The following DOP1A variants were observed in gnomAD, a reference collection of about 807,000 sequenced individuals.
DOP1A encodes DOP1 leucine zipper like protein A.
Under a neutral mutation model 267.6 loss-of-function variants are expected in DOP1A, and 90 were observed. The ratio of observed to expected loss-of-function variants is 0.34; its 90% CI spans 0.28 to 0.40. The LOEUF is 0.40. Ranked by LOEUF, DOP1A falls within the 10% of genes least tolerant of loss-of-function variation. The pLI is 1.00. For synonymous variants in DOP1A, 932 were observed against 999.1 expected (o/e 0.93, Z 1.27); for missense variants, 2,437 against 2,900.4 (o/e 0.84, Z 3.67).
rs186462193 is a variant in DOP1A, at chr6:83,099,737, C to G, written c.139-968C>G. Among the ~76,000 whole-genome samples the G allele has an allele frequency of 3.4e-5, 5 of 148,700 alleles. No individual in the cohort carries two copies. The South Asian group carries it at 1.1e-3, about 32-fold the overall frequency. On this transcript the variant is annotated intron_variant, in intron 3 of 38. Coordinates refer to ENST00000349129, the MANE Select transcript of DOP1A (RefSeq NM_015018.4). Reference sequence around the variant, plus strand: ...ATACATATATATATATATATACACACGTATACATATATATACACATACACA... The same window carrying G: ...ATACATATATATATATATATACACAGGTATACATATATATACACATACACA...
Position 83,141,954 on chromosome 6 carries a change from C to T in DOP1A, c.5449C>T (p.Pro1817Ser). ...LRQQILELLG[P>S]ISMNHGVHFM... ...ACAACAGATTCTTGAATTGTTGGGC[C>T]CCATTTCAATGAATCATGGTGTTCA... The change falls in exon 24 of 39, where the codon CCC (proline) becomes TCC (serine). Residue 1817 changes from proline to serine, a missense_variant. By Grantham distance (74) the Pro-to-Ser change is moderately conservative. This residue lies in a region of DOP1A where 307 missense variants were observed against 308.6 expected (regional missense o/e 0.99). Coordinates refer to ENST00000349129, the MANE Select transcript of DOP1A (RefSeq NM_015018.4). 6.2e-7 allele frequency: 1 copy of T among 1,609,220 alleles called. No individual in the cohort carries two copies. The highest frequency in any genetic ancestry group is 1.1e-5 in the South Asian group (1 of 90,342).
chr6:83,086,678 A>G (rs1472771566), intron 1 of DOP1A, among the ~76,000 whole-genome samples: 2 of 152,228 alleles, frequency 1.3e-5, no homozygotes, highest in Non-Finnish European at 1.5e-5. Flanking sequence ...ATGAGGGGCT[A>G]CAGAAGTGAC....
chr6:83,150,306 G>A (rs1325274519), intron 27 of DOP1A, among the ~76,000 whole-genome samples: 2 of 152,160 alleles, frequency 1.3e-5, no homozygotes, highest in Non-Finnish European at 2.9e-5. Flanking sequence ...TGTATGTACA[G>A]GTGTTGGAAT....
rs538773666 is a variant in DOP1A, at chr6:83,160,405, G to A, written c.6962+445G>A. Among the ~76,000 whole-genome samples, 4 of 152,376 alleles carry A rather than the reference G, an allele frequency of 2.6e-5. No homozygotes were observed. In the South Asian group the frequency reaches 8.3e-4, roughly 32 times the overall value. On this transcript the variant is annotated intron_variant, in intron 37 of 38. Coordinates refer to ENST00000349129, the MANE Select transcript of DOP1A (RefSeq NM_015018.4). ...GCAGACATGATACGTCTGAAGTGTG[G>A]AGAGATTGGTATTGCTGGAGCAGAA...
intron 12 of DOP1A, among the ~76,000 whole-genome samples, chr6:83,123,463 A>C (rs771471209): frequency 3.9e-5 from 6 of 152,052 alleles, no homozygotes; most frequent in Non-Finnish European, 7.4e-5. Context: ...ACCCTAGGAT[A>C]CTAGTGAATC....
chr6:83,118,603 GTTTT>G (rs1185227480), intron 7 of DOP1A, among the ~76,000 whole-genome samples: 1 of 151,968 alleles, frequency 6.6e-6, no homozygotes, highest in Non-Finnish European at 1.5e-5. Context: ...CATTTTATTT[GTTTT>G]ATGTCAGAAT....
At chr6:83,105,275 A>G (rs955182253) in intron 4 of DOP1A, among the ~76,000 whole-genome samples, 4 of 151,892 alleles carry the variant, frequency 2.6e-5, no homozygotes, top group Middle Eastern at 3.4e-3. Context: ...TGTTATACTC[A>G]ATTCTTTGAT....
chr6:83,104,472 A>C (rs1773209093), intron 4 of DOP1A, among the ~76,000 whole-genome samples: 1 of 152,102 alleles, frequency 6.6e-6, no homozygotes, highest in Non-Finnish European at 1.5e-5. Flanking sequence ...TTAGTAGAGA[A>C]TGGCTATGAT....
chr6:83,142,360 T>C (rs1283623898), intron 24 of DOP1A, among the ~76,000 whole-genome samples: 1 of 151,802 alleles, frequency 6.6e-6, no homozygotes, highest in East Asian at 1.9e-4. Context: ...ATACAAAAAT[T>C]AGCCAGGCAT....
Position 83,159,950 on chromosome 6 carries a change from C to T in DOP1A, c.6952C>T (p.Gln2318Ter). The stretch of plus-strand genomic sequence containing the variant: ...CGCATTGCCCTCTGAAAACCTTCCT[C>T]AGTTTCAGATGTAAGTAAAAGCAAG... Reference protein sequence around the residue: ...ALALPSENLPQFQMYRWAFIP... With the variant: ...ALALPSENLP The change falls in exon 37 of 39, where the codon CAG becomes TAG. Residue 2318 changes from glutamine (Q) to a stop codon, truncating the protein, a stop_gained. Coordinates refer to ENST00000349129, the MANE Select transcript of DOP1A (RefSeq NM_015018.4). LOFTEE classifies it high-confidence loss of function. The T allele has an allele frequency of 6.2e-7, 1 of 1,614,082 alleles. No homozygotes were observed. The highest frequency in any genetic ancestry group is 1.1e-5 in the South Asian group (1 of 91,070).
rs765769038 is a variant in DOP1A at position 83,132,348 on chromosome 6, G to T, written c.2769+20G>T. ...GATAAGGTAAATCCTCTTATCTTGT[G>T]CACACCGCCCCCTCCGCCACACACA... is the stretch of plus-strand genomic sequence containing the variant. On this transcript the variant is annotated intron_variant, in intron 18 of 38. Transcript: ENST00000349129. The T allele has an allele frequency of 6.3e-7, 1 of 1,584,578 alleles. No homozygotes were observed. Among genetic ancestry groups the T allele is most frequent in the Non-Finnish European group, 8.6e-7 (1 of 1,159,618 alleles).
chr6:83,115,844 T>C (rs539868702), intron 7 of DOP1A, among the ~76,000 whole-genome samples: 2 of 152,026 alleles, frequency 1.3e-5, no homozygotes, highest in African/African-American at 4.8e-5. Flanking sequence ...TAACATCTTC[T>C]ACTTTCTGCT....
chr6:83,074,475 G>A (rs1321686127), intron 1 of DOP1A, among the ~76,000 whole-genome samples: 6 of 151,980 alleles, frequency 3.9e-5, no homozygotes, highest in Non-Finnish European at 7.4e-5. Flanking sequence ...ATGGTAGTTT[G>A]ACTTTATGAC....
At chr6:83,072,431 C>A (rs578129720) in intron 1 of DOP1A, among the ~76,000 whole-genome samples, 6 of 152,006 alleles carry the variant, frequency 3.9e-5, no homozygotes, top group African/African-American at 1.4e-4. Flanking sequence ...GCTCTGTAGT[C>A]CAGGGTGGAG....
intron 11 of DOP1A, 96 bp from the exon 12 acceptor site, chr6:83,122,767 T>C: frequency 1.2e-6 from 1 of 853,552 alleles, no homozygotes; most frequent in South Asian, 3.0e-5. Context: ...TTCTAGCAAC[T>C]ACCTAGGAAT....
chr6:83,134,482 T>C lies in DOP1A; in HGVS notation c.2870+195T>C, dbSNP rs1004721216. The C allele has an allele frequency of 7.0e-5, 34 of 485,510 alleles. No homozygotes were observed. The Admixed American group carries it at 1.2e-3, about 18-fold the overall frequency. 30.1% of individuals were successfully genotyped at this position (485,510 alleles called of 1,614,324 possible). A position where few individuals can be genotyped will look rare whatever the true frequency, so the allele number is the denominator to read the frequency against. On this transcript the variant is annotated intron_variant, in intron 19 of 38. Transcript: ENST00000349129. ...ACTCATCCACCAGGTTTTTACTTTC[T>C]GGTTTTGGAGTACCCGGCTCCACTT...
At chr6:83,087,127 G>A (rs1000520208) in intron 1 of DOP1A, among the ~76,000 whole-genome samples, 1 of 152,054 alleles carries the variant, frequency 6.6e-6, no homozygotes, top group Non-Finnish European at 1.5e-5. Flanking sequence ...AGAGAATATG[G>A]GTATAGGTGA....
chr6:83,110,366 G>T (rs750354764), intron 6 of DOP1A, 52 bp downstream of exon 6: 34 of 1,557,090 alleles, frequency 2.2e-5, no homozygotes. Context: ...TTAGAGTCAG[G>T]CACTATTCCA....
intron 34 of DOP1A, 48 bp downstream of exon 34, chr6:83,156,151 G>T (rs1782732889): frequency 1.3e-6 from 2 of 1,505,880 alleles, no homozygotes; most frequent in South Asian, 2.5e-5. Context: ...CAGGTTTTTG[G>T]TTCCTTAGAA....
Sources: allele counts gnomAD v4.1 joint callset (sites outside exome capture counted in the v4.1 genomes callset), GRCh38; gene constraint gnomAD v4.1.1; regional missense constraint gnomAD v4.1.1; transcripts MANE v1.5; gene names NCBI Gene and HGNC (gene_info 2026-07-23, HGNC 2026-07-21).